The following SECISBP2L variants were observed in gnomAD, a reference collection of about 807,000 sequenced individuals.
SECISBP2L encodes selenocysteine insertion sequence-binding protein 2-like.
A neutral mutation model predicts 114.7 loss-of-function variants in SECISBP2L; 43 were observed. That is an observed-to-expected ratio of 0.38 (90% confidence interval 0.29 to 0.48). SECISBP2L has a LOEUF of 0.48. SECISBP2L is among the 20% of genes least tolerant of loss of function. SECISBP2L has a pLI of 0.98. For missense variants in SECISBP2L, 1,136 were observed against 1,301.1 expected (o/e 0.87, Z 1.95); for synonymous variants, 451 against 439.7 (o/e 1.03, Z -0.32).
chr15:48,994,089 T>C (rs1303551886), intron 17 of SECISBP2L, among the ~76,000 whole-genome samples: 1 of 151,866 alleles, frequency 6.6e-6, no homozygotes, highest in Non-Finnish European at 1.5e-5. Context: ...ATGAGTCCTT[T>C]CCACTGTCAT....
intron 14 of SECISBP2L, among the ~76,000 whole-genome samples, chr15:49,002,392 G>A (rs1011436501): frequency 7.9e-5 from 12 of 152,012 alleles, no homozygotes; most frequent in African/African-American, 1.2e-4. Context: ...TTCTCCCATC[G>A]TATAGGTTGC....
In SECISBP2L at chr15:49,035,551, G is replaced by A. The variant is rs772371636; in HGVS notation, c.311C>T (p.Thr104Ile). Residue 104 changes from threonine (T) to isoleucine (I), a missense_variant, in exon 3 of 18, where the codon ACA becomes ATA. By Grantham distance (89) the Thr-to-Ile change is moderately conservative. This residue lies in a region of SECISBP2L where 452 missense variants were observed against 452.3 expected (regional missense o/e 1.00). Coordinates refer to ENST00000559471, the MANE Select transcript of SECISBP2L (RefSeq NM_001193489.2). The part of the protein sequence containing the change: ...PIISAQPPVS[T>I]EYTYYQLMPA... ...CATCAGCTGATAATATGTATACTCT[G>A]TAGAAACAGGCGGCTGAGCAGATAT... 4.3e-6 allele frequency: 7 copies of A among 1,614,222 alleles called. No individual in the cohort carries two copies. The highest frequency in any genetic ancestry group is 5.9e-6 in the Non-Finnish European group (7 of 1,180,036).
chr15:49,031,055 TTTTTTC>T (rs1434327063), intron 4 of SECISBP2L, among the ~76,000 whole-genome samples: 109 of 130,490 alleles, frequency 8.4e-4, no homozygotes, highest in Non-Finnish European at 1.2e-3. Context: ...TTTTTTTTTT[TTTTTTC>T]CCTTTTGAGA....
chr15:49,038,206 T>C (rs1446148103), intron 1 of SECISBP2L, among the ~76,000 whole-genome samples: 2 of 152,080 alleles, frequency 1.3e-5, no homozygotes, highest in Non-Finnish European at 2.9e-5. Flanking sequence ...TCTATTTCTG[T>C]CCATTTCTGG....
At chr15:48,997,363 T>C (rs895769870) in intron 16 of SECISBP2L, among the ~76,000 whole-genome samples, 2 of 152,128 alleles carry the variant, frequency 1.3e-5, no homozygotes, top group African/African-American at 4.8e-5. Flanking sequence ...CAAAAGTAAG[T>C]TGGTGATAAT....
intron 1 of SECISBP2L, among the ~76,000 whole-genome samples, chr15:49,043,186 G>T (rs902009359): frequency 2.0e-5 from 3 of 151,938 alleles, no homozygotes; most frequent in Non-Finnish European, 4.4e-5. Flanking sequence ...ACGTATTACT[G>T]AATAATAAAC....
At chr15:49,024,480 G>C (rs1235414430) in intron 7 of SECISBP2L, among the ~76,000 whole-genome samples, 4 of 133,738 alleles carry the variant, frequency 3.0e-5, no homozygotes, top group Non-Finnish European at 6.2e-5. Flanking sequence ...TGGGCAACAA[G>C]AGCAAGACTC....
At chr15:49,023,977 T>C (rs1902691432) in intron 7 of SECISBP2L, among the ~76,000 whole-genome samples, 1 of 152,180 alleles carries the variant, frequency 6.6e-6, no homozygotes, top group African/African-American at 2.4e-5. Flanking sequence ...TAAAAATCTC[T>C]TTTACTTTTC....
rs2141059441 is a variant in SECISBP2L, at chr15:48,996,453, T to A, written c.2537A>T (p.His846Leu). Residue 846 changes from histidine to leucine, a missense_variant, in exon 17 of 18, where the codon CAT (histidine) becomes CTT (leucine). By Grantham distance (99) the His-to-Leu change is moderately conservative. Transcript: ENST00000559471. ...ACTTGCTGCAGAGGGATTCCGAGAA[T>A]GTCCCATGTGGTGTGGTACCTTCTT... ...NVKKVPHHMG[H>L]SRNPSAASAI... The A allele has an allele frequency of 6.2e-7, 1 of 1,614,176 alleles. No homozygotes were observed. Among genetic ancestry groups the A allele is most frequent in the African/African-American group, 1.3e-5 (1 of 75,066 alleles).
intron 16 of SECISBP2L, among the ~76,000 whole-genome samples, chr15:48,996,928 C>G (rs905968243): frequency 5.3e-5 from 8 of 152,158 alleles, no homozygotes; most frequent in African/African-American, 1.9e-4. Flanking sequence ...ACTCTACTCT[C>G]AAGGAACCTT....
At chr15:49,037,488 G>C in intron 2 of SECISBP2L, 103 bp downstream of exon 2, 2 of 995,730 alleles carry the variant, frequency 2.0e-6, no homozygotes, top group Non-Finnish European at 2.9e-6. Context: ...TCTTAATAGA[G>C]AAATGGTTAA....
chr15:49,010,154 C>CACACACACACACACACACACACACACA (rs3220511), intron 13 of SECISBP2L, among the ~76,000 whole-genome samples: 52 of 150,068 alleles, frequency 3.5e-4, no homozygotes, highest in African/African-American at 9.1e-4. Context: ...CACACACACA[C>CACACACACACACACACACACACACACA]CCCTCTTGCC....
chr15:49,031,061 C>CTTTTTT (rs1566861328), intron 4 of SECISBP2L, among the ~76,000 whole-genome samples: 9 of 77,040 alleles, frequency 1.2e-4, no homozygotes, highest in Non-Finnish European at 1.5e-4. Context: ...TTTTTTTTTT[C>CTTTTTT]CCTTTTGAGA....
At position 48,988,666 on chromosome 15, in the gene SECISBP2L, C is replaced by A; in HGVS notation, c.*3578G>T. On this transcript the variant is annotated 3_prime_UTR_variant, in exon 18 of 18. Coordinates refer to ENST00000559471, the MANE Select transcript of SECISBP2L (RefSeq NM_001193489.2). ...CATTTCAATAATCATTTTATTAGTA[C>A]AGAAGAATCCCCACTAGTATTTACA... 2.2e-6 allele frequency: 1 copy of A among 455,452 alleles called. No homozygotes were observed. Among genetic ancestry groups the A allele is most frequent in the Non-Finnish European group, 4.4e-6 (1 of 226,496 alleles). The allele number at this position is 455,452 out of a possible 1,614,324, so 28.2% of individuals were successfully genotyped here. A position where few individuals can be genotyped will look rare whatever the true frequency, so the allele number is the denominator to read the frequency against.
intron 7 of SECISBP2L, among the ~76,000 whole-genome samples, chr15:49,023,027 CA>C (rs34101036): frequency 1.4e-4 from 20 of 146,262 alleles, no homozygotes; most frequent in Admixed American, 5.4e-4. Flanking sequence ...TAGAAGCCAT[CA>C]AAAAAAAAAG....
chr15:49,037,351 T>C lies in SECISBP2L; in HGVS notation c.203+240A>G, dbSNP rs572911341. The C allele has an allele frequency of 1.3e-3, 413 of 313,186 alleles. 1 individual carries two copies. Among genetic ancestry groups the C allele is most frequent in the Non-Finnish European group, 2.0e-3 (343 of 170,914 alleles). The allele number at this position is 313,186 out of a possible 1,614,324, so 19.4% of individuals were successfully genotyped here. On this transcript the variant is annotated intron_variant, in intron 2 of 17. Coordinates refer to ENST00000559471, the MANE Select transcript of SECISBP2L (RefSeq NM_001193489.2). The stretch of plus-strand genomic sequence containing the variant: ...TTTTATTTCTCCCTTTGAGCTGACT[T>C]ACTTCAAATAAATTTCAATGACTTA...
At chr15:48,995,708 G>C (rs1030191992) in intron 17 of SECISBP2L, among the ~76,000 whole-genome samples, 2 of 152,048 alleles carry the variant, frequency 1.3e-5, no homozygotes, top group African/African-American at 4.8e-5. Context: ...ATAAGGCAAA[G>C]AAACTACTGA....
chr15:49,017,161 G>T, intron 9 of SECISBP2L, 146 bp from the exon 10 acceptor site: 1 of 758,750 alleles, frequency 1.3e-6, no homozygotes, highest in Non-Finnish European at 2.0e-6. Flanking sequence ...GGATTTGACA[G>T]TGGGACCATT....
intron 12 of SECISBP2L, 145 bp downstream of exon 12, chr15:49,012,503 A>C: frequency 1.2e-6 from 1 of 808,702 alleles, no homozygotes; most frequent in Non-Finnish European, 2.0e-6. Flanking sequence ...CTGAGCTTCA[A>C]ATTAACACAT....
Sources: allele counts gnomAD v4.1 joint callset (sites outside exome capture counted in the v4.1 genomes callset), GRCh38; gene constraint gnomAD v4.1.1; regional missense constraint gnomAD v4.1.1; transcripts MANE v1.5; gene names NCBI Gene and HGNC (gene_info 2026-07-23, HGNC 2026-07-21).